Variants in SDK1 observed in about 807,000 individuals in gnomAD.
The protein encoded by SDK1 is sidekick cell adhesion molecule 1.
SDK1 carries 157 observed loss-of-function variants against 245.5 expected under a neutral mutation model. That is an observed-to-expected ratio of 0.64 (90% CI 0.56 to 0.73). SDK1 has a LOEUF of 0.73. SDK1 is among the 30% of genes least tolerant of loss of function. The probability of loss-of-function intolerance (pLI) is 0.00; values close to 1 mark genes in which losing one functional copy is unlikely to be tolerated. For missense variants in SDK1, 3,583 were observed against 3,002.3 expected, an observed-to-expected ratio of 1.19 and a Z score of -4.52; for synonymous variants, 1,647 against 1,278.5, an observed-to-expected ratio of 1.29 and a Z score of -6.15.
At chr7:4,115,929 G>A (rs992691477) in intron 25 of SDK1, among the ~76,000 whole-genome samples, 5 of 152,214 alleles carry the variant, frequency 3.3e-5, no homozygotes, top group African/African-American at 4.8e-5. Context: ...AGTGCGTGAC[G>A]GGTATCAGAG....
At chr7:3,887,272 A>C in intron 5 of SDK1, among the ~76,000 whole-genome samples, 1 of 152,272 alleles carries the variant, frequency 6.6e-6, no homozygotes, top group East Asian at 1.9e-4. Context: ...ACCTTTCACT[A>C]ATTCACTCCA....
chr7:3,681,486 T>A (rs746540489), intron 4 of SDK1, among the ~76,000 whole-genome samples: 1 of 152,210 alleles, frequency 6.6e-6, no homozygotes, highest in Non-Finnish European at 1.5e-5. Flanking sequence ...AATTACTGGG[T>A]CATAAAGGTA....
chr7:3,971,177 C>A (rs1380249266), intron 11 of SDK1, among the ~76,000 whole-genome samples: 1 of 152,080 alleles, frequency 6.6e-6, no homozygotes, highest in Non-Finnish European at 1.5e-5. Flanking sequence ...AGCCTAGAAC[C>A]TCATCCACAC....
At position 3,886,841 on chromosome 7, in the gene SDK1, A is replaced by G. The variant is rs373351206; in HGVS notation, c.848-64082A>G. Among the ~76,000 whole-genome samples, 390 of 152,302 alleles carry G rather than the reference A, an allele frequency of 2.6e-3. 1 individual carries two copies. The highest frequency in any genetic ancestry group is 9.0e-3 in the African/African-American group (373 of 41,568). ...TAAGGCAAGAGGATCACTTGAGCCC[A>G]GGAGTTTGAGGTTGCAGTGAGCTGT... On this transcript the variant is annotated intron_variant, in intron 5 of 44. Transcript: ENST00000404826.
chr7:3,311,000 T>C lies in SDK1; in HGVS notation c.298+9116T>C, dbSNP rs73286362. On this transcript the variant is annotated intron_variant, in intron 1 of 44. Transcript: ENST00000404826. Reference sequence around the variant, plus strand: ...TAGCATGCATCCAGTAAGTGTTAGGTGGTGTTATTTATTCTTTTGTGTAGA... The same window carrying C: ...TAGCATGCATCCAGTAAGTGTTAGGCGGTGTTATTTATTCTTTTGTGTAGA... 8.8e-3 allele frequency among the ~76,000 whole-genome samples: 1,337 copies of C among 152,210 alleles called. 24 individuals carry two copies. Among genetic ancestry groups the C allele is most frequent in the African/African-American group, 0.03 (1,262 of 41,536 alleles).
chr7:3,639,135 CA>C (rs1159018202), intron 3 of SDK1, 25 bp downstream of exon 3: 1 of 1,365,420 alleles, frequency 7.3e-7, no homozygotes, highest in Non-Finnish European at 1.0e-6. Context: ...AGGAGATGTC[CA>C]AATGTTAAAG....
chr7:3,784,352 A>G (rs1022375935), intron 4 of SDK1, among the ~76,000 whole-genome samples: 2 of 152,112 alleles, frequency 1.3e-5, no homozygotes, highest in African/African-American at 2.4e-5. Context: ...ACTTCACACC[A>G]TATATTAATA....
At chr7:4,213,455 T>C (rs900883907) in intron 38 of SDK1, among the ~76,000 whole-genome samples, 1 of 151,350 alleles carries the variant, frequency 6.6e-6, no homozygotes, top group Non-Finnish European at 1.5e-5. Flanking sequence ...CATGGTGGCA[T>C]GTGCCTGTAG....
At chr7:3,988,154 TTTTAC>T (rs1784022980) in intron 14 of SDK1, among the ~76,000 whole-genome samples, 3 of 147,462 alleles carry the variant, frequency 2.0e-5, no homozygotes, top group African/African-American at 7.6e-5. Context: ...TTTTTTTTTT[TTTTAC>T]CTCACTCCTG....
chr7:3,345,990 T>G (rs972607699), intron 1 of SDK1, among the ~76,000 whole-genome samples: 1 of 152,164 alleles, frequency 6.6e-6, no homozygotes, highest in African/African-American at 2.4e-5. Context: ...AAACAGTTCT[T>G]TTAGAATAAC....
At chr7:4,076,909 C>A in intron 20 of SDK1, 89 bp from the exon 21 acceptor site, 2 of 1,180,868 alleles carry the variant, frequency 1.7e-6, no homozygotes, top group Non-Finnish European at 2.4e-6. Flanking sequence ...CTCTCCATAG[C>A]TCCAAGCCTG....
rs191412144 is a variant in SDK1, at chr7:3,850,789, A to G, written c.847+29206A>G. On this transcript the variant is annotated intron_variant, in intron 5 of 44. Coordinates refer to ENST00000404826, the MANE Select transcript of SDK1 (RefSeq NM_152744.4). The stretch of plus-strand genomic sequence containing the variant: ...AACCAAACACCGCATGTTCTCACTC[A>G]TAGGTGGGAATTGAACAATGAGAAC... Among the ~76,000 whole-genome samples, 19 of 146,536 alleles carry G rather than the reference A, an allele frequency of 1.3e-4. No individual in the cohort carries two copies. In the East Asian group the frequency reaches 3.3e-3, roughly 26 times the overall value.
At chr7:4,065,159 G>A (rs895261958) in intron 19 of SDK1, among the ~76,000 whole-genome samples, 39 of 152,094 alleles carry the variant, frequency 2.6e-4, no homozygotes, top group African/African-American at 7.2e-4. Flanking sequence ...GTAACAAAAC[G>A]TCACCTGTAC....
chr7:3,851,866 T>C (rs986464594), intron 5 of SDK1, among the ~76,000 whole-genome samples: 3 of 152,242 alleles, frequency 2.0e-5, no homozygotes, highest in Non-Finnish European at 4.4e-5. Context: ...GAATATGATC[T>C]ATAAATAAAA....
intron 4 of SDK1, among the ~76,000 whole-genome samples, chr7:3,681,203 T>TA (rs1784088747): frequency 1.9e-4 from 1 of 5,132 alleles, no homozygotes; most frequent in Non-Finnish European, 7.2e-4. Context: ...TATAGTTTAG[T>TA]TTTTTGACTT....
chr7:3,390,506 A>G (rs754994963), intron 1 of SDK1, among the ~76,000 whole-genome samples: 1 of 152,292 alleles, frequency 6.6e-6, no homozygotes, highest in African/African-American at 2.4e-5. Context: ...ATTTTCACCT[A>G]TGAATGTGAG....
At chr7:4,036,010 T>C (rs929115186) in intron 17 of SDK1, among the ~76,000 whole-genome samples, 65 of 152,362 alleles carry the variant, frequency 4.3e-4, no homozygotes, top group African/African-American at 1.4e-3. Flanking sequence ...CTTTTAAGAT[T>C]TTTAGTAAGA....
intron 17 of SDK1, among the ~76,000 whole-genome samples, chr7:4,027,648 C>T (rs1173465452): frequency 1.3e-5 from 2 of 152,088 alleles, no homozygotes; most frequent in South Asian, 2.1e-4. Flanking sequence ...ACTATTTCTC[C>T]GTTTATGTAG....
intron 1 of SDK1, among the ~76,000 whole-genome samples, chr7:3,426,406 C>T (rs1191671235): frequency 6.6e-6 from 1 of 152,190 alleles, no homozygotes; most frequent in Non-Finnish European, 1.5e-5. Flanking sequence ...CTTGTTCTAG[C>T]AGCACCATTT....
Sources: gnomAD v4.1 joint callset for allele counts (sites outside exome capture counted in the v4.1 genomes callset) on GRCh38, gnomAD v4.1.1 for gene constraint, MANE v1.5 for transcripts, NCBI Gene and HGNC (gene_info 2026-07-23, HGNC 2026-07-21) for gene names.